FOXP2: variants seen among roughly 807,000 people sequenced by gnomAD.
FOXP2 encodes forkhead box protein P2.
Under a neutral mutation model 115.8 loss-of-function variants are expected in FOXP2, and 12 were observed. That is an observed-to-expected ratio of 0.10 (90% CI 0.07 to 0.17). The LOEUF (loss-of-function observed/expected upper bound fraction) is 0.17. FOXP2 is among the 10% of genes least tolerant of loss of function. The probability of loss-of-function intolerance (pLI) is 1.00; values close to 1 mark genes in which losing one functional copy is unlikely to be tolerated. For missense variants in FOXP2, 629 were observed against 843.5 expected (o/e 0.75, Z 3.15); for synonymous variants, 328 against 297.7 (o/e 1.10, Z -1.05).
At chr7:114,182,608 GTGTT>G (rs1793486055) in intron 1 of FOXP2, among the ~76,000 whole-genome samples, 2 of 149,534 alleles carry the variant, frequency 1.3e-5, no homozygotes, top group Non-Finnish European at 1.5e-5. Context: ...AACAACTATT[GTGTT>G]TGTCTTTTTT....
At chr7:114,460,648 A>C (rs1278508098) in intron 2 of FOXP2, among the ~76,000 whole-genome samples, 8 of 152,238 alleles carry the variant, frequency 5.3e-5, no homozygotes, top group Admixed American at 5.2e-4. Context: ...AAGTCTGACT[A>C]GATAATTTTC....
At chr7:114,665,987 T>C (rs969685285) in intron 16 of FOXP2, 1 of 152,050 alleles carries the variant, frequency 6.6e-6, no homozygotes, top group Non-Finnish European at 1.5e-5. Flanking sequence ...TGGTTTTCGT[T>C]TGGCAATTGC....
rs138071017 is a variant in FOXP2 at position 114,210,629 on chromosome 7, G to A, written c.-102+47541G>A. On this transcript the variant is annotated intron_variant, in intron 1 of 17. Transcript: ENST00000634411. ...GGTCTCACCCAGTCAGGAGGAATGGGATCAGGGACCTGTTTAAAGAAGCAG... is the reference window on the plus strand; with the variant it reads ...GGTCTCACCCAGTCAGGAGGAATGGAATCAGGGACCTGTTTAAAGAAGCAG... Among the ~76,000 whole-genome samples the A allele has an allele frequency of 4.6e-3, 695 of 152,294 alleles. 7 individuals are homozygous for A. Among genetic ancestry groups the A allele is most frequent in the African/African-American group, 0.016 (659 of 41,572 alleles).
Position 114,690,129 on chromosome 7 carries a change from C to CTTTTTTTTTT in FOXP2, c.*211_*220dup. 5 of 420,534 alleles carry CTTTTTTTTTT rather than the reference C, an allele frequency of 1.2e-5. No individual in the cohort carries two copies. The highest frequency in any genetic ancestry group is 7.8e-4 in the Middle Eastern group (1 of 1,284). The allele number at this position is 420,534 out of a possible 1,614,324, so 26.1% of individuals were successfully genotyped here. On this transcript the variant is annotated 3_prime_UTR_variant, in exon 17 of 17. Coordinates refer to ENST00000350908, the MANE Select transcript of FOXP2 (RefSeq NM_014491.4). ...TGCTTGTTTTCTTCTTCTTCTTCTT[C>CTTTTTTTTTT]TTTTTTTTTTTTTTTTTAGAAAAAA...
At chr7:114,193,976 T>G (rs1387883339) in intron 1 of FOXP2, among the ~76,000 whole-genome samples, 1 of 152,084 alleles carries the variant, frequency 6.6e-6, no homozygotes, top group Non-Finnish European at 1.5e-5. Flanking sequence ...TTGTACAACA[T>G]CATAAAACCT....
chr7:114,193,167 G>A (rs759095768), intron 1 of FOXP2, among the ~76,000 whole-genome samples: 4 of 151,980 alleles, frequency 2.6e-5, no homozygotes, highest in African/African-American at 7.2e-5. Flanking sequence ...ATACTGTAAC[G>A]TAATTTGTGG....
At chr7:114,480,928 T>A (rs1352736333) in intron 2 of FOXP2, among the ~76,000 whole-genome samples, 2 of 151,260 alleles carry the variant, frequency 1.3e-5, no homozygotes, top group Admixed American at 6.6e-5. Flanking sequence ...GATGAAACAC[T>A]TAACTCCCAG....
At chr7:114,386,291 G>A (rs1228254535) in intron 2 of FOXP2, among the ~76,000 whole-genome samples, 1 of 152,102 alleles carries the variant, frequency 6.6e-6, no homozygotes, top group Non-Finnish European at 1.5e-5. Flanking sequence ...ACAAAGGGAG[G>A]GAACCCAAAG....
Position 114,691,685 on chromosome 7 carries a change from G to A in FOXP2, c.*1759G>A. 2.2e-6 allele frequency: 1 copy of A among 454,028 alleles called. No individual in the cohort carries two copies. The allele number at this position is 454,028 out of a possible 1,614,324, so 28.1% of individuals were successfully genotyped here. On this transcript the variant is annotated 3_prime_UTR_variant, in exon 17 of 17. Transcript: ENST00000350908. ...CCCCAACCAAGGGACCTCATAACCTGATTATGGTTATTGCTTTACAAACAG... is the reference window on the plus strand; with the variant it reads ...CCCCAACCAAGGGACCTCATAACCTAATTATGGTTATTGCTTTACAAACAG...
intron 2 of FOXP2, among the ~76,000 whole-genome samples, chr7:114,388,309 A>G (rs1792504252): frequency 6.6e-6 from 1 of 151,782 alleles, no homozygotes; most frequent in African/African-American, 2.4e-5. Context: ...CAATCCTGTT[A>G]TATTTCTGGT....
intron 1 of FOXP2, among the ~76,000 whole-genome samples, chr7:114,119,243 T>C (rs1318963128): frequency 1.3e-5 from 2 of 152,156 alleles, no homozygotes; most frequent in Non-Finnish European, 2.9e-5. Context: ...GACAAAATAC[T>C]TGCTGTATTG....
intron 1 of FOXP2, among the ~76,000 whole-genome samples, chr7:114,246,916 T>A (rs537318978): frequency 6.6e-6 from 1 of 152,176 alleles, no homozygotes; most frequent in Non-Finnish European, 1.5e-5. Flanking sequence ...TTAAAAAAAT[T>A]GTGGTGGACT....
chr7:114,376,565 T>G (rs1041602575), intron 2 of FOXP2, among the ~76,000 whole-genome samples: 7 of 152,172 alleles, frequency 4.6e-5, no homozygotes, highest in Non-Finnish European at 8.8e-5. Flanking sequence ...GTGTTAGATT[T>G]TTTTCACACC....
At chr7:114,320,220 C>T (rs1040377301) in intron 2 of FOXP2, among the ~76,000 whole-genome samples, 1 of 152,174 alleles carries the variant, frequency 6.6e-6, no homozygotes, top group Non-Finnish European at 1.5e-5. Flanking sequence ...CTGAATACAT[C>T]ATGCCAGTCC....
At chr7:114,300,278 A>T (rs1012821751) in intron 2 of FOXP2, among the ~76,000 whole-genome samples, 2 of 152,148 alleles carry the variant, frequency 1.3e-5, no homozygotes, top group African/African-American at 2.4e-5. Context: ...TAGAGTATAT[A>T]AAACAATAGA....
At chr7:114,657,725 C>T (rs1340405216) in intron 10 of FOXP2, among the ~76,000 whole-genome samples, 1 of 152,114 alleles carries the variant, frequency 6.6e-6, no homozygotes, top group African/African-American at 2.4e-5. Context: ...GTTGTTGTTG[C>T]TTCACTGGGG....
At chr7:114,245,927 A>G (rs1431684285) in intron 1 of FOXP2, among the ~76,000 whole-genome samples, 1 of 152,182 alleles carries the variant, frequency 6.6e-6, no homozygotes, top group Non-Finnish European at 1.5e-5. Flanking sequence ...AAATTGTCAA[A>G]ATTAGTCAAG....
At chr7:114,305,425 ATTTGT>A (rs1211323413) in intron 2 of FOXP2, among the ~76,000 whole-genome samples, 3 of 152,132 alleles carry the variant, frequency 2.0e-5, no homozygotes, top group Non-Finnish European at 2.9e-5. Context: ...TGTTAATCAG[ATTTGT>A]TTTACTCAAA....
At chr7:114,527,956 C>T (rs945199619) in intron 2 of FOXP2, among the ~76,000 whole-genome samples, 1 of 152,066 alleles carries the variant, frequency 6.6e-6, no homozygotes, top group South Asian at 2.1e-4. Flanking sequence ...TTGTCTCACT[C>T]TCTTCATCCC....
Sources: gnomAD v4.1 joint callset for allele counts (sites outside exome capture counted in the v4.1 genomes callset) on GRCh38, gnomAD v4.1.1 for gene constraint, MANE v1.5 for transcripts, NCBI Gene and HGNC (gene_info 2026-07-23, HGNC 2026-07-21) for gene names.